Variants in TPO observed in about 807,000 individuals in gnomAD.
TPO encodes thyroid microsomal antigen.
A neutral mutation model predicts 96.9 loss-of-function variants in TPO; 78 were observed. The observed-to-expected ratio is 0.81, with a 90% confidence interval of 0.67 to 0.97. The LOEUF (loss-of-function observed/expected upper bound fraction) is 0.97, where lower values mean the gene tolerates loss of function less well. TPO is among the 50% of genes least tolerant of loss of function. The pLI is 0.00. For missense variants in TPO, 1,252 were observed against 1,274.8 expected (o/e 0.98, Z 0.27); for synonymous variants, 547 against 538.0 (o/e 1.02, Z -0.23).
rs142904891 is a variant in TPO, at chr2:1,441,359, A to G, written c.482+4975A>G. ...TTGCTTTACACTTTGTCATAAAGGA[A>G]ATTATCAGTTCTCTGCATAAGCCCC... On this transcript the variant is annotated intron_variant, in intron 5 of 16. Coordinates refer to ENST00000329066, the MANE Select transcript of TPO (RefSeq NM_001206744.2). Among the ~76,000 whole-genome samples, 99 of 152,334 alleles carry G rather than the reference A, an allele frequency of 6.5e-4. 1 individual carries two copies. Among genetic ancestry groups the G allele is most frequent in the African/African-American group, 2.4e-3 (98 of 41,568 alleles).
chr2:1,406,984 T>C (rs1020897370), intron 1 of TPO, among the ~76,000 whole-genome samples: 1 of 152,296 alleles, frequency 6.6e-6, no homozygotes, highest in Admixed American at 6.5e-5. Context: ...AAAATTTATT[T>C]TGCTGCAGGT....
chr2:1,486,129 A>T (rs1265738964), intron 9 of TPO, among the ~76,000 whole-genome samples: 1 of 152,176 alleles, frequency 6.6e-6, no homozygotes, highest in Non-Finnish European at 1.5e-5. Context: ...CTTATGACTC[A>T]TCGCAGCCGT....
chr2:1,524,127 AC>A (rs1675850970), intron 15 of TPO, among the ~76,000 whole-genome samples: 1 of 27,782 alleles, frequency 3.6e-5, no homozygotes, highest in African/African-American at 1.4e-4. Context: ...CTCCCCAAAT[AC>A]CCCCAACTCT....
intron 1 of TPO, among the ~76,000 whole-genome samples, chr2:1,376,244 G>A (rs1661720025): frequency 1.3e-5 from 2 of 152,318 alleles, no homozygotes; most frequent in South Asian, 4.1e-4. Flanking sequence ...CTGAAACTGA[G>A]ACTCAGAGTG....
At chr2:1,390,543 C>A (rs749588747) in intron 1 of TPO, among the ~76,000 whole-genome samples, 1 of 152,112 alleles carries the variant, frequency 6.6e-6, no homozygotes, top group Non-Finnish European at 1.5e-5. Flanking sequence ...GGGAATATAC[C>A]CAGTAATGGG....
intron 5 of TPO, among the ~76,000 whole-genome samples, chr2:1,448,537 G>T (rs1235674420): frequency 6.6e-6 from 1 of 152,158 alleles, no homozygotes; most frequent in Non-Finnish European, 1.5e-5. Context: ...CTCCTTGCAC[G>T]CTGTCCACAG....
intron 7 of TPO, among the ~76,000 whole-genome samples, chr2:1,471,905 C>A (rs962392573): frequency 6.6e-6 from 1 of 151,030 alleles, no homozygotes; most frequent in Non-Finnish European, 1.5e-5. Context: ...TTCCCATGAT[C>A]CTGATGCTCA....
chr2:1,457,630 G>A (rs1463782272), intron 7 of TPO, among the ~76,000 whole-genome samples: 1 of 151,900 alleles, frequency 6.6e-6, no homozygotes, highest in Non-Finnish European at 1.5e-5. Context: ...GGGCAGATGT[G>A]TACATAGCAT....
At chr2:1,384,352 G>A (rs1661855085) in intron 1 of TPO, among the ~76,000 whole-genome samples, 1 of 152,128 alleles carries the variant, frequency 6.6e-6, no homozygotes, top group Non-Finnish European at 1.5e-5. Flanking sequence ...AGCATGGAAT[G>A]TTCTTCCATT....
chr2:1,386,094 C>G (rs973931943), intron 1 of TPO, among the ~76,000 whole-genome samples: 8 of 152,114 alleles, frequency 5.3e-5, no homozygotes, highest in Admixed American at 2.6e-4. Flanking sequence ...ATTATAATTT[C>G]TGTTCTTTTA....
At chr2:1,484,478 G>A in intron 8 of TPO, 118 bp from the exon 9 acceptor site, 1 of 1,333,790 alleles carries the variant, frequency 7.5e-7, no homozygotes, top group East Asian at 2.4e-5. Flanking sequence ...CTTATTACAA[G>A]ACGAGAAGGG....
chr2:1,522,820 C>G (rs1675474339), intron 15 of TPO, among the ~76,000 whole-genome samples: 1 of 141,642 alleles, frequency 7.1e-6, no homozygotes, highest in Non-Finnish European at 1.5e-5. Flanking sequence ...AAATCTCCCC[C>G]ACTGTGAGCA....
In TPO at chr2:1,495,831, T is replaced by A. The variant is rs558491484; in HGVS notation, c.2007-158T>A. Among the ~76,000 whole-genome samples, 53 of 151,982 alleles carry A rather than the reference T, an allele frequency of 3.5e-4. 1 individual carries two copies. In the South Asian group the frequency reaches 0.011, roughly 31 times the overall value. ...CAGACGCCACAGGGTCTCCTTCAGG[T>A]CCTCAGCGCCTGCACCTGTGTGGCC... is the stretch of plus-strand genomic sequence containing the variant. On this transcript the variant is annotated intron_variant, in intron 11 of 16. Coordinates refer to ENST00000329066, the MANE Select transcript of TPO (RefSeq NM_001206744.2).
intron 2 of TPO, among the ~76,000 whole-genome samples, chr2:1,415,096 C>G (rs1662765789): frequency 6.6e-6 from 1 of 150,972 alleles, no homozygotes; most frequent in African/African-American, 2.5e-5. Context: ...TCCCGGGGCC[C>G]CTGGAGCAGG....
intron 10 of TPO, among the ~76,000 whole-genome samples, chr2:1,488,775 C>G (rs903256266): frequency 8.5e-5 from 13 of 152,184 alleles, no homozygotes; most frequent in Non-Finnish European, 1.6e-4. Context: ...TGCCCTGCCC[C>G]GTCCCTGGGC....
chr2:1,515,230 G>T (rs1674560720), intron 14 of TPO, among the ~76,000 whole-genome samples: 1 of 152,222 alleles, frequency 6.6e-6, no homozygotes, highest in African/African-American at 2.4e-5. Context: ...CAGCCATGGG[G>T]GTGAGAGCGA....
chr2:1,504,043 C>T lies in TPO; in HGVS notation c.2482C>T (p.Pro828Ser). Reference sequence around the variant, plus strand: ...CGGCTTCCAGTGTCTCTGCGCGGACCCCTACGAGTTAGGAGACGATGGGAG... The same window carrying T: ...CGGCTTCCAGTGTCTCTGCGCGGACTCCTACGAGTTAGGAGACGATGGGAG... Reference protein sequence around the residue: ...KGGFQCLCADPYELGDDGRTC... With the variant: ...KGGFQCLCADSYELGDDGRTC... Residue 828 changes from proline to serine, a missense_variant, in exon 14 of 17, where the codon CCC (proline) becomes TCC (serine). Physicochemically the swap from Pro to Ser is moderately conservative, Grantham distance 74. Transcript: ENST00000329066. The T allele has an allele frequency of 1.2e-6, 2 of 1,614,244 alleles. No homozygotes were observed. The highest frequency in any genetic ancestry group is 1.7e-6 in the Non-Finnish European group (2 of 1,180,056).
intron 15 of TPO, among the ~76,000 whole-genome samples, chr2:1,532,989 C>A (rs1255866918): frequency 1.9e-5 from 2 of 103,902 alleles, no homozygotes; most frequent in East Asian, 2.8e-4. Context: ...CAAATCCCTC[C>A]CACTGTGTGC....
chr2:1,465,919 C>T (rs1668855391), intron 7 of TPO, among the ~76,000 whole-genome samples: 1 of 152,218 alleles, frequency 6.6e-6, no homozygotes, highest in African/African-American at 2.4e-5. Flanking sequence ...GCTAGGATTT[C>T]GAGTACTATG....
Sources: gnomAD v4.1 joint callset for allele counts (sites outside exome capture counted in the v4.1 genomes callset) on GRCh38, gnomAD v4.1.1 for gene constraint, MANE v1.5 for transcripts, NCBI Gene and HGNC (gene_info 2026-07-23, HGNC 2026-07-21) for gene names.